CHD1L: variants seen among roughly 807,000 people sequenced by gnomAD.
CHD1L encodes chromodomain helicase DNA binding protein 1 like.
CHD1L carries 118 observed loss-of-function variants against 115.9 expected under a neutral mutation model. The ratio of observed to expected loss-of-function variants is 1.02; its 90% CI spans 0.88 to 1.19. The LOEUF is 1.19. Among genes scored for constraint, CHD1L ranks in the 50% most tolerant of loss-of-function variants. CHD1L has a pLI of 0.00. For synonymous variants in CHD1L, 411 were observed against 387.1 expected, an observed-to-expected ratio of 1.06 and a Z score of -0.72; for missense variants, 1,179 against 1,065.3, an observed-to-expected ratio of 1.11 and a Z score of -1.49.
At chr1:147,243,607 C>G (rs1410399651) in intron 1 of CHD1L, among the ~76,000 whole-genome samples, 5 of 152,128 alleles carry the variant, frequency 3.3e-5, no homozygotes, top group Non-Finnish European at 7.3e-5. Context: ...CGCTGACTCG[C>G]CGCTGAACCG....
the CHD1L span, among the ~76,000 whole-genome samples, chr1:147,193,955 G>A: frequency 5.9e-5 from 9 of 151,648 alleles, no homozygotes. Context: ...AATAGGTGTG[G>A]TGTGGTGCTG....
At chr1:147,178,438 G>T in the CHD1L span, 1 of 1,611,518 alleles carries the variant, frequency 6.2e-7, no homozygotes, top group Non-Finnish European at 8.5e-7. Context: ...GTTTAGAGAT[G>T]GTGAAGAAGC....
chr1:147,246,518 AC>A (rs1389055376), intron 1 of CHD1L, among the ~76,000 whole-genome samples: 1 of 152,116 alleles, frequency 6.6e-6, no homozygotes, highest in Non-Finnish European at 1.5e-5. Flanking sequence ...TTACATTCCC[AC>A]CAGCAATGTA....
chr1:147,259,715 G>T (rs1410473821), intron 5 of CHD1L, 122 bp from the exon 6 acceptor site: 6 of 756,038 alleles, frequency 7.9e-6, no homozygotes, highest in Non-Finnish European at 1.1e-5. Context: ...GGTGGCATTT[G>T]TAATAGAAGG....
At chr1:147,255,455 G>A (rs72691025) in intron 3 of CHD1L, among the ~76,000 whole-genome samples, 32,729 of 152,034 alleles carry the variant, frequency 0.22, 3,716 homozygotes, top group Middle Eastern at 0.28. Context: ...TCAAACTCCC[G>A]ACCTCATGTG....
intron 22 of CHD1L, 32 bp downstream of exon 22, chr1:147,294,549 C>T (rs782017770): frequency 6.5e-7 from 1 of 1,538,492 alleles, no homozygotes; most frequent in Non-Finnish European, 8.9e-7. Context: ...TGTGTGTTCT[C>T]CCAACCCAAG....
chr1:147,254,246 T>C (rs782549662), intron 2 of CHD1L, among the ~76,000 whole-genome samples: 1 of 152,212 alleles, frequency 6.6e-6, no homozygotes, highest in African/African-American at 2.4e-5. Flanking sequence ...GATCGTGTAT[T>C]GTCTGTTTTC....
At chr1:147,224,586 T>G in the CHD1L span, among the ~76,000 whole-genome samples, 1 of 152,088 alleles carries the variant, frequency 6.6e-6, no homozygotes, top group Non-Finnish European at 1.5e-5. Flanking sequence ...CTCGGCTCAC[T>G]GCAAGCTCTG....
chr1:147,289,562 G>C (rs1684688723), intron 19 of CHD1L, among the ~76,000 whole-genome samples: 1 of 152,164 alleles, frequency 6.6e-6, no homozygotes, highest in African/African-American at 2.4e-5. Flanking sequence ...AGAGTGTGCA[G>C]TTTTCTCTGA....
chr1:147,209,043 G>A, the CHD1L span: 4 of 1,613,404 alleles, frequency 2.5e-6, no homozygotes, highest in Admixed American at 3.3e-5. Context: ...TCCTGGTGCT[G>A]AGGAAAACCT....
chr1:147,216,861 G>A, the CHD1L span, among the ~76,000 whole-genome samples: 1 of 152,182 alleles, frequency 6.6e-6, no homozygotes, highest in African/African-American at 2.4e-5. Flanking sequence ...AGATGCTCAT[G>A]CAAACTGAGA....
chr1:147,218,903 T>A, the CHD1L span, among the ~76,000 whole-genome samples: 1 of 152,202 alleles, frequency 6.6e-6, no homozygotes, highest in African/African-American at 2.4e-5. Context: ...GAGAATTAGA[T>A]TCCGCTATTC....
At chr1:147,208,732 C>T in the CHD1L span, 1,910 of 788,478 alleles carry the variant, frequency 2.4e-3, no homozygotes, top group Non-Finnish European at 3.1e-3. Context: ...AGCCACCATG[C>T]CCAGCCACTG....
At chr1:147,233,489 G>A in the CHD1L span, among the ~76,000 whole-genome samples, 30 of 139,088 alleles carry the variant, frequency 2.2e-4, no homozygotes, top group South Asian at 1.2e-3. Flanking sequence ...TCAGCCCCCC[G>A]CCCGGCCAGC....
chr1:147,273,756 T>C (rs1440058394), intron 12 of CHD1L, among the ~76,000 whole-genome samples: 3 of 152,246 alleles, frequency 2.0e-5, no homozygotes, highest in African/African-American at 7.2e-5. Flanking sequence ...TCAGAGTAGA[T>C]CTGGGAGCTG....
the CHD1L span, among the ~76,000 whole-genome samples, chr1:147,223,264 C>T: frequency 6.6e-6 from 1 of 152,110 alleles, no homozygotes; most frequent in Admixed American, 6.6e-5. Context: ...TAGCCCATGT[C>T]CAAGACTGAT....
At chr1:147,184,487 A>G in the CHD1L span, 1 of 1,519,722 alleles carries the variant, frequency 6.6e-7, no homozygotes, top group Non-Finnish European at 8.8e-7. The surrounding 1 kb of genome is among the most constrained non-coding windows in gnomAD (Gnocchi z 4.4). Flanking sequence ...CATTACATTT[A>G]GATGTTATGT....
At chr1:147,262,753 CT>C (rs1202981128) in intron 6 of CHD1L, among the ~76,000 whole-genome samples, 1 of 151,668 alleles carries the variant, frequency 6.6e-6, no homozygotes, top group Non-Finnish European at 1.5e-5. Flanking sequence ...TTGTTTACAT[CT>C]GTTTTCATTG....
At chr1:147,210,638 A>C in the CHD1L span, 1 of 152,230 alleles carries the variant, frequency 6.6e-6, no homozygotes, top group Non-Finnish European at 1.5e-5. Context: ...GAAAACGCTC[A>C]GAGCCCTAAT....
Sources: allele counts gnomAD v4.1 joint callset (sites outside exome capture counted in the v4.1 genomes callset), GRCh38; gene constraint gnomAD v4.1.1; non-coding constraint Gnocchi (gnomAD v3.1); transcripts MANE v1.5; gene names NCBI Gene and HGNC (gene_info 2026-07-23, HGNC 2026-07-21).